Variants in IMMP2L observed in about 807,000 individuals in gnomAD.
IMMP2L encodes inner mitochondrial membrane peptidase subunit 2.
Under a neutral mutation model 19.3 loss-of-function variants are expected in IMMP2L, and 18 were observed. That is an observed-to-expected ratio of 0.93 (90% CI 0.64 to 1.38). The LOEUF is 1.38. Ranked by LOEUF, IMMP2L falls within the 40% of genes most tolerant of loss-of-function variation. IMMP2L has a pLI of 0.00. For synonymous variants in IMMP2L, 76 were observed against 73.0 expected, an observed-to-expected ratio of 1.04 and a Z score of -0.21; for missense variants, 233 against 218.2, an observed-to-expected ratio of 1.07 and a Z score of -0.43.
At chr7:110,719,797 G>T (rs1352755932) in intron 5 of IMMP2L, among the ~76,000 whole-genome samples, 1 of 151,780 alleles carries the variant, frequency 6.6e-6, no homozygotes, top group Non-Finnish European at 1.5e-5. Context: ...AATAATGAGA[G>T]TTCATCACAT....
At chr7:111,346,640 A>T (rs571324032) in intron 3 of IMMP2L, among the ~76,000 whole-genome samples, 4 of 152,256 alleles carry the variant, frequency 2.6e-5, no homozygotes, top group African/African-American at 9.6e-5. Context: ...ATAAACAGAA[A>T]GCCACACTAG....
intron 5 of IMMP2L, among the ~76,000 whole-genome samples, chr7:110,848,159 T>C (rs1805850320): frequency 1.3e-5 from 2 of 152,240 alleles, no homozygotes; most frequent in East Asian, 1.9e-4. Flanking sequence ...GTAAAAGAAA[T>C]GTCTGATAGA....
intron 5 of IMMP2L, among the ~76,000 whole-genome samples, chr7:110,712,120 T>G (rs1794913995): frequency 9.6e-6 from 1 of 104,156 alleles, no homozygotes; most frequent in Non-Finnish European, 2.3e-5. Flanking sequence ...TCTGTTCCGT[T>G]TTTTCCCCAT....
intron 3 of IMMP2L, among the ~76,000 whole-genome samples, chr7:111,346,558 T>C (rs114105100): frequency 0.022 from 3,277 of 151,862 alleles, 124 homozygotes; most frequent in African/African-American, 0.075. Flanking sequence ...GCCCACTGAG[T>C]TTTTTAAGTG....
At chr7:111,330,118 A>T (rs987680904) in intron 3 of IMMP2L, among the ~76,000 whole-genome samples, 14 of 151,756 alleles carry the variant, frequency 9.2e-5, no homozygotes, top group African/African-American at 3.1e-4. Flanking sequence ...TGACCAGAAA[A>T]TTTTAAAAGG....
At chr7:111,260,947 G>A (rs1817251173) in intron 3 of IMMP2L, among the ~76,000 whole-genome samples, 1 of 151,716 alleles carries the variant, frequency 6.6e-6, no homozygotes, top group African/African-American at 2.4e-5. Flanking sequence ...AAATACATGA[G>A]GATAAAAAAA....
intron 3 of IMMP2L, among the ~76,000 whole-genome samples, chr7:111,314,409 G>A (rs1823831062): frequency 6.6e-6 from 1 of 152,078 alleles, no homozygotes. Context: ...GGCAAAAGGT[G>A]AGCAAAGTAT....
At chr7:110,764,712 A>G (rs921665933) in intron 5 of IMMP2L, among the ~76,000 whole-genome samples, 1 of 152,110 alleles carries the variant, frequency 6.6e-6, no homozygotes. Context: ...TTATGACTTC[A>G]AAGTGGGAAA....
At chr7:110,694,184 C>G (rs1431177164) in intron 5 of IMMP2L, among the ~76,000 whole-genome samples, 2 of 151,652 alleles carry the variant, frequency 1.3e-5, no homozygotes, top group Non-Finnish European at 2.9e-5. Flanking sequence ...AAGTTTTTAC[C>G]TTTGAACAAA....
intron 3 of IMMP2L, among the ~76,000 whole-genome samples, chr7:111,319,258 T>G (rs186735585): frequency 6.6e-6 from 1 of 152,150 alleles, no homozygotes; most frequent in Non-Finnish European, 1.5e-5. Context: ...AGCTGTGACC[T>G]TGATGTTCTA....
At chr7:111,501,782 C>A (rs1844291057) in intron 2 of IMMP2L, among the ~76,000 whole-genome samples, 1 of 152,088 alleles carries the variant, frequency 6.6e-6, no homozygotes, top group Non-Finnish European at 1.5e-5. Context: ...CTGAGAGATT[C>A]TGTCACCACC....
At chr7:110,918,119 C>A (rs1813829614) in intron 4 of IMMP2L, among the ~76,000 whole-genome samples, 1 of 152,142 alleles carries the variant, frequency 6.6e-6, no homozygotes, top group Non-Finnish European at 1.5e-5. Flanking sequence ...TCAGGAATTT[C>A]TTTCCTTTCC....
chr7:110,989,362 T>C (rs1251726299), intron 3 of IMMP2L, among the ~76,000 whole-genome samples: 1 of 151,638 alleles, frequency 6.6e-6, no homozygotes, highest in Non-Finnish European at 1.5e-5. Context: ...CATGACAAGA[T>C]CCCACTTCTA....
At chr7:110,876,016 A>G (rs1809024597) in intron 5 of IMMP2L, among the ~76,000 whole-genome samples, 1 of 152,266 alleles carries the variant, frequency 6.6e-6, no homozygotes, top group African/African-American at 2.4e-5. Context: ...AACATTCTAT[A>G]TCATTTCTTC....
chr7:111,488,235 C>T (rs1842812611), intron 2 of IMMP2L, among the ~76,000 whole-genome samples: 1 of 152,102 alleles, frequency 6.6e-6, no homozygotes, highest in Admixed American at 6.6e-5. Context: ...TGTTCGGTTA[C>T]ATGAGTTAAG....
chr7:110,898,391 T>C (rs988175941), intron 4 of IMMP2L, among the ~76,000 whole-genome samples: 1 of 152,120 alleles, frequency 6.6e-6, no homozygotes, highest in East Asian at 1.9e-4. Flanking sequence ...CATGGAAATA[T>C]CCTTCATTTT....
chr7:111,542,004 A>G (rs1416583640), intron 1 of IMMP2L, among the ~76,000 whole-genome samples: 1 of 152,166 alleles, frequency 6.6e-6, no homozygotes, highest in African/African-American at 2.4e-5. Context: ...GAATCCTCCA[A>G]GAAATACTTA....
At chr7:110,693,997 T>A (rs1793693382) in intron 5 of IMMP2L, among the ~76,000 whole-genome samples, 1 of 152,098 alleles carries the variant, frequency 6.6e-6, no homozygotes, top group African/African-American at 2.4e-5. Context: ...ATCTTAGAGG[T>A]TCTATGTTTC....
chr7:111,370,525 G>GT (rs1237696279), intron 3 of IMMP2L, among the ~76,000 whole-genome samples: 1 of 151,944 alleles, frequency 6.6e-6, no homozygotes, highest in African/African-American at 2.4e-5. Flanking sequence ...TTGTTCAAAC[G>GT]TAACTTCCCT....
Sources: gnomAD v4.1 joint callset for allele counts (sites outside exome capture counted in the v4.1 genomes callset) on GRCh38, gnomAD v4.1.1 for gene constraint, MANE v1.5 for transcripts, NCBI Gene and HGNC (gene_info 2026-07-23, HGNC 2026-07-21) for gene names.